Variants in LIMCH1 observed in about 807,000 individuals in gnomAD.
LIMCH1 encodes LIM and calponin homology domains 1, also known as LIM and calponin homology domains-containing protein 1.
In LIMCH1, 113 loss-of-function variants were observed where a neutral mutation model predicts 176.5. That is an observed-to-expected ratio of 0.64 (90% CI 0.55 to 0.75). The LOEUF (loss-of-function observed/expected upper bound fraction) is 0.75. LIMCH1 is among the 30% of genes least tolerant of loss of function. The pLI, the probability that LIMCH1 is intolerant of heterozygous loss-of-function variation, is 0.00. For missense variants in LIMCH1, 1,674 were observed against 1,814.9 expected (o/e 0.92, Z 1.41); for synonymous variants, 619 against 645.9 (o/e 0.96, Z 0.63).
In LIMCH1 at chr4:41,518,087, C is replaced by T. The variant is rs75664010; in HGVS notation, c.168-6322C>T. ...ATTTAGATAGCTCTTCTGTTCTTCC[C>T]GAAACTCTAGGATAATTACTAGAAT... is the stretch of plus-strand genomic sequence containing the variant. On this transcript the variant is annotated intron_variant, in intron 2 of 26. Transcript: ENST00000313860. Among the ~76,000 whole-genome samples, 915 of 152,200 alleles carry T rather than the reference C, an allele frequency of 6.0e-3. 6 individuals are homozygous for T. Among genetic ancestry groups the T allele is most frequent in the Non-Finnish European group, 0.011 (743 of 68,004 alleles).
At chr4:41,394,669 A>T (rs2057608214) in intron 1 of LIMCH1, among the ~76,000 whole-genome samples, 1 of 152,164 alleles carries the variant, frequency 6.6e-6, no homozygotes, top group African/African-American at 2.4e-5. Flanking sequence ...AGTCACCTTA[A>T]TGTTCCCCTG....
intron 1 of LIMCH1, among the ~76,000 whole-genome samples, chr4:41,363,450 G>C (rs987533627): frequency 2.6e-5 from 4 of 152,062 alleles, no homozygotes; most frequent in African/African-American, 9.7e-5. Flanking sequence ...TGAGTAGTCA[G>C]GAATTTCACC....
intron 1 of LIMCH1, among the ~76,000 whole-genome samples, chr4:41,392,680 C>T (rs2057369858): frequency 6.6e-6 from 1 of 152,188 alleles, no homozygotes; most frequent in African/African-American, 2.4e-5. Context: ...CTTCTTCCAT[C>T]TCATCTAGGG....
chr4:41,601,412 C>T (rs779433415), intron 2 of LIMCH1, among the ~76,000 whole-genome samples: 1 of 152,060 alleles, frequency 6.6e-6, no homozygotes, highest in Non-Finnish European at 1.5e-5. Flanking sequence ...GGGGCTGAGA[C>T]ACAAATAGGA....
In LIMCH1 at chr4:41,409,627, TG is replaced by T. The variant is rs1385338849; in HGVS notation, c.96+48694del. 2.6e-5 allele frequency among the ~76,000 whole-genome samples: 4 copies of T among 152,348 alleles called. No homozygotes were observed. The East Asian group carries it at 7.7e-4, about 29-fold the overall frequency. On this transcript the variant is annotated intron_variant, in intron 1 of 26. Coordinates refer to the LIMCH1 transcript ENST00000313860. ...GATGGTTTGATAGCTATAAGCTGGT[TG>T]GGTCTTTATTCAGAAATTGTGCTGA...
rs1164318348 is a variant in LIMCH1 at position 41,661,407 on chromosome 4, A to T, written c.3037-13A>T. ...AATCATTTATTCAAGGGGGAAAAAA[A>T]TCTCTTTTTCAGGCAACCACTGAGA... On this transcript the variant is annotated splice_polypyrimidine_tract_variant and intron_variant, in intron 18 of 31. Coordinates refer to ENST00000503057, the MANE Select transcript of LIMCH1 (RefSeq NM_001330672.2). 1 of 1,572,838 alleles carries T rather than the reference A, an allele frequency of 6.4e-7. No individual in the cohort carries two copies. The highest frequency in any genetic ancestry group is 1.4e-5 in the African/African-American group (1 of 72,742).
chr4:41,455,545 C>T (rs2064483234), intron 1 of LIMCH1, among the ~76,000 whole-genome samples: 1 of 152,280 alleles, frequency 6.6e-6, no homozygotes, highest in African/African-American at 2.4e-5. Context: ...CTTAAACGCT[C>T]AGCTATTTCC....
At chr4:41,466,237 G>A (rs556949378) in intron 1 of LIMCH1, among the ~76,000 whole-genome samples, 64 of 152,274 alleles carry the variant, frequency 4.2e-4, no homozygotes, top group African/African-American at 1.4e-3. Flanking sequence ...GATTACAGGC[G>A]TGAGCCACTG....
At chr4:41,578,654 C>T (rs1201809084) in intron 1 of LIMCH1, among the ~76,000 whole-genome samples, 3 of 151,870 alleles carry the variant, frequency 2.0e-5, no homozygotes, top group African/African-American at 7.3e-5. Context: ...GGCCAAATTT[C>T]CCCCCACACA....
chr4:41,571,281 A>T (rs1584283321), intron 1 of LIMCH1, among the ~76,000 whole-genome samples: 1 of 152,060 alleles, frequency 6.6e-6, no homozygotes, highest in African/African-American at 2.4e-5. Context: ...GAGAGGGGAA[A>T]ATAAGTGTGA....
intron 1 of LIMCH1, among the ~76,000 whole-genome samples, chr4:41,486,331 T>C (rs996828318): frequency 6.6e-6 from 1 of 152,184 alleles, no homozygotes; most frequent in African/African-American, 2.4e-5. Flanking sequence ...GGAAAGTTAC[T>C]GAGAGTCCTT....
intron 1 of LIMCH1, among the ~76,000 whole-genome samples, chr4:41,380,157 A>G (rs1159156354): frequency 6.6e-6 from 1 of 152,190 alleles, no homozygotes; most frequent in Non-Finnish European, 1.5e-5. Flanking sequence ...CAATATAGGA[A>G]TAAAAATGCT....
At chr4:41,474,217 G>A (rs1329138826) in intron 1 of LIMCH1, among the ~76,000 whole-genome samples, 2 of 141,910 alleles carry the variant, frequency 1.4e-5, no homozygotes, top group African/African-American at 2.6e-5. Flanking sequence ...GGTCAGGCGC[G>A]GTGGCTCACG....
rs769602231 is a variant in LIMCH1, at chr4:41,494,595, C to T, written c.156C>T (p.Ile52=). The change falls in exon 2 of 27, where the codon ATC becomes ATT. Residue 52 remains isoleucine, a synonymous_variant. Coordinates refer to the LIMCH1 transcript ENST00000313860. ...TTCGGACAGGTTTAGAAAATGGAAT[C>T]CTCCTCTGCGAGTAAGTATAGCCTA... is the stretch of plus-strand genomic sequence containing the variant. 36 of 1,609,622 alleles carry T rather than the reference C, an allele frequency of 2.2e-5. 2 individuals are homozygous for T. The South Asian group carries it at 3.8e-4, about 17-fold the overall frequency.
Position 41,419,700 on chromosome 4 carries a change from CTTCCTTCCT to C in LIMCH1, c.96+58766_96+58774del, listed in dbSNP as rs1276527929. The stretch of plus-strand genomic sequence containing the variant: ...TCCTTCCTCCTTCCTTCCTTCCTTC[CTTCCTTCCT>C]TCCTTCCTTCCTCCTTCCTTTCTTC... On this transcript the variant is annotated intron_variant, in intron 1 of 26. Coordinates refer to the LIMCH1 transcript ENST00000313860. 3.8e-3 allele frequency among the ~76,000 whole-genome samples: 390 copies of C among 101,356 alleles called. 1 individual carries two copies. The highest frequency in any genetic ancestry group is 0.014 in the African/African-American group (368 of 26,606). 66.5% of individuals were successfully genotyped at this position (101,356 alleles called of 152,430 possible). A position where few individuals can be genotyped will look rare whatever the true frequency, so the allele number is the denominator to read the frequency against.
chr4:41,557,899 C>A (rs1422222956), intron 1 of LIMCH1, among the ~76,000 whole-genome samples: 2 of 152,030 alleles, frequency 1.3e-5, no homozygotes, highest in Non-Finnish European at 2.9e-5. Flanking sequence ...GACTTTGACA[C>A]CAATACACAC....
At chr4:41,637,648 C>T (rs938941813) in intron 13 of LIMCH1, among the ~76,000 whole-genome samples, 1 of 152,170 alleles carries the variant, frequency 6.6e-6, no homozygotes, top group African/African-American at 2.4e-5. Flanking sequence ...TTCATAAACC[C>T]TTTCCTTGTC....
intron 1 of LIMCH1, among the ~76,000 whole-genome samples, chr4:41,552,227 C>T (rs1011825074): frequency 1.8e-4 from 27 of 152,130 alleles, no homozygotes; most frequent in African/African-American, 6.5e-4. Flanking sequence ...GTGGGAGCTA[C>T]AATTGAAGAT....
At position 41,634,098 on chromosome 4, in the gene LIMCH1, G is replaced by A. The variant is rs545131095; in HGVS notation, c.2090+290G>A. 9.8e-5 allele frequency among the ~76,000 whole-genome samples: 15 copies of A among 152,290 alleles called. No individual in the cohort carries two copies. In the East Asian group the frequency reaches 2.9e-3, roughly 29 times the overall value. ...TCACATAGGAGCCTTTGGGCAAAGG[G>A]GTTGAACTTCTATCTGACTTACTTG... On this transcript the variant is annotated intron_variant, in intron 13 of 31. Transcript: ENST00000503057.
Sources: allele counts gnomAD v4.1 joint callset (sites outside exome capture counted in the v4.1 genomes callset), GRCh38; gene constraint gnomAD v4.1.1; transcripts MANE v1.5; gene names NCBI Gene and HGNC (gene_info 2026-07-23, HGNC 2026-07-21).